Variants in SATB1 observed in about 807,000 individuals in gnomAD.
SATB1 encodes SATB homeobox 1, also known as DNA-binding protein SATB1.
In SATB1, 11 loss-of-function variants were observed where a neutral mutation model predicts 86.9. The ratio of observed to expected loss-of-function variants is 0.13; its 90% confidence interval spans 0.08 to 0.21. The LOEUF (loss-of-function observed/expected upper bound fraction) is 0.21, where lower values mean the gene tolerates loss of function less well. Among genes scored for constraint, SATB1 ranks in the 10% least tolerant of loss-of-function variants. The probability of loss-of-function intolerance (pLI) is 1.00; values close to 1 mark genes in which losing one functional copy is unlikely to be tolerated. For synonymous variants in SATB1, 357 were observed against 357.2 expected, an observed-to-expected ratio of 1.00 and a Z score of 0.01; for missense variants, 551 against 937.6, an observed-to-expected ratio of 0.59 and a Z score of 5.39.
chr3:18,387,679 T>G (rs1032748463), intron 7 of SATB1, among the ~76,000 whole-genome samples: 4 of 152,108 alleles, frequency 2.6e-5, no homozygotes, highest in African/African-American at 4.8e-5. Context: ...GTAAGACATA[T>G]TTGGTTTCTT....
At chr3:18,369,679 A>T (rs1316268042) in intron 9 of SATB1, among the ~76,000 whole-genome samples, 3 of 147,428 alleles carry the variant, frequency 2.0e-5, no homozygotes, top group Non-Finnish European at 4.5e-5. Flanking sequence ...TACAGGATAC[A>T]TCAGCTTCTG....
At chr3:18,442,107 A>G (rs1699257782), upstream of SATB1, among the ~76,000 whole-genome samples, 1 of 152,150 alleles carries the variant, frequency 6.6e-6, no homozygotes, top group Non-Finnish European at 1.5e-5. Context: ...TGAGGAATGC[A>G]TTGATTCTGG....
intron 1 of SATB1, among the ~76,000 whole-genome samples, chr3:18,423,315 C>T (rs1241047214): frequency 6.6e-6 from 1 of 152,190 alleles, no homozygotes; most frequent in Non-Finnish European, 1.5e-5. Flanking sequence ...CTGAATAAAA[C>T]AGTGAACTCA....
chr3:18,361,909 T>C (rs1694922703), intron 9 of SATB1, among the ~76,000 whole-genome samples: 1 of 152,224 alleles, frequency 6.6e-6, no homozygotes, highest in African/African-American at 2.4e-5. Flanking sequence ...ATAAAGGGCG[T>C]CAATCAGGAT....
At chr3:18,376,581 G>C (rs928016178) in intron 9 of SATB1, among the ~76,000 whole-genome samples, 8 of 144,010 alleles carry the variant, frequency 5.6e-5, no homozygotes, top group African/African-American at 1.9e-4. Flanking sequence ...CAAGTAGGTG[G>C]GGGGGGGGAG....
chr3:18,445,259 G>T (rs1305441621), intron 1 of SATB1: 6 of 982,474 alleles, frequency 6.1e-6, no homozygotes, highest in Non-Finnish European at 7.2e-6. Flanking sequence ...GACACTAGGC[G>T]CACTGAAGCC....
chr3:18,424,971 G>T lies in SATB1; in HGVS notation c.-1369C>A, dbSNP rs539831050. 6.4e-6 allele frequency: 1 copy of T among 155,276 alleles called. No individual in the cohort carries two copies. The highest frequency in any genetic ancestry group is 1.4e-5 in the Non-Finnish European group (1 of 70,068). 9.6% of individuals were successfully genotyped at this position (155,276 alleles called of 1,614,324 possible). A position where few individuals can be genotyped will look rare whatever the true frequency, so the allele number is the denominator to read the frequency against. On this transcript the variant is annotated 5_prime_UTR_variant, in exon 1 of 11. Coordinates refer to ENST00000338745, the MANE Select transcript of SATB1 (RefSeq NM_002971.6). ...TGCGTGAGTGTGAGCGCGAGTCCCCGGACGGGGCTGCTTCTCTCGCTCTCT... is the reference window on the plus strand; with the variant it reads ...TGCGTGAGTGTGAGCGCGAGTCCCCTGACGGGGCTGCTTCTCTCGCTCTCT...
intron 7 of SATB1, among the ~76,000 whole-genome samples, chr3:18,388,734 GT>G (rs927187340): frequency 2.6e-5 from 4 of 152,032 alleles, no homozygotes; most frequent in Non-Finnish European, 4.4e-5. Context: ...TTTTTGAGAT[GT>G]TTTTCCTAAT....
At chr3:18,417,819 G>A in intron 2 of SATB1, 11 of 561,454 alleles carry the variant, frequency 2.0e-5, no homozygotes, top group Non-Finnish European at 2.8e-5. Flanking sequence ...CAGTAAATAA[G>A]GTAAAAATGA....
Position 18,403,474 on chromosome 3 carries a change from G to T in SATB1, c.640-6184C>A, listed in dbSNP as rs76200917. The stretch of plus-strand genomic sequence containing the variant: ...TGGAATACTCTAGAGAGACAGCAAG[G>T]GAAATAATCTTGCACAGGTTTTATT... On this transcript the variant is annotated intron_variant, in intron 5 of 10. Coordinates refer to ENST00000338745, the MANE Select transcript of SATB1 (RefSeq NM_002971.6). Among the ~76,000 whole-genome samples, 356 of 152,140 alleles carry T rather than the reference G, an allele frequency of 2.3e-3. 14 individuals carry two copies. In the East Asian group the frequency reaches 0.036, roughly 15 times the overall value.
intron 9 of SATB1, among the ~76,000 whole-genome samples, chr3:18,358,677 G>A (rs1231207437): frequency 6.6e-6 from 1 of 151,946 alleles, no homozygotes; most frequent in African/African-American, 2.4e-5. Context: ...ATATGTGTGT[G>A]CATGTATGTA....
At position 18,444,830 on chromosome 3, in the gene SATB1, G is replaced by C. The variant is rs888491379; in HGVS notation, c.-25+688C>G. 7 of 199,884 alleles carry C rather than the reference G, an allele frequency of 3.5e-5. No homozygotes were observed. Among genetic ancestry groups the C allele is most frequent in the Non-Finnish European group, 6.2e-5 (7 of 113,224 alleles). The allele number at this position is 199,884 out of a possible 1,614,324, so 12.4% of individuals were successfully genotyped here. On this transcript the variant is annotated intron_variant, in intron 1 of 3. Transcript: ENST00000415069. This position sits in a 1 kb window ranked among gnomAD's most constrained non-coding sequence, Gnocchi z 5.1. Reference sequence around the variant, plus strand: ...GAAGTGGGCGTTTAAAGGGGAGAGCGAGGCGAGGAGCGAGCGAGCGAGCGC... The same window carrying C: ...GAAGTGGGCGTTTAAAGGGGAGAGCCAGGCGAGGAGCGAGCGAGCGAGCGC...
intron 5 of SATB1, chr3:18,408,743 A>G (rs1335309645): frequency 1.3e-5 from 2 of 151,738 alleles, no homozygotes; most frequent in Admixed American, 1.3e-4. Context: ...CATGAAATGA[A>G]GCAGATCTAT....
rs1694089698 is a variant in SATB1, at chr3:18,346,982, G to A, written c.*2188C>T. ...TTTGTTTTCTTACTAAATAAAAAGT[G>A]GCAACTTTTCAGTACAATTTTAAGT... On this transcript the variant is annotated 3_prime_UTR_variant, in exon 11 of 11. Transcript: ENST00000338745. 1.3e-5 allele frequency: 2 copies of A among 152,070 alleles called. No homozygotes were observed. The highest frequency in any genetic ancestry group is 4.1e-4 in the South Asian group (2 of 4,830). The allele number at this position is 152,070 out of a possible 1,614,324, so 9.4% of individuals were successfully genotyped here. A position where few individuals can be genotyped will look rare whatever the true frequency, so the allele number is the denominator to read the frequency against.
chr3:18,354,481 T>C (rs753463369), intron 9 of SATB1, among the ~76,000 whole-genome samples: 12 of 152,020 alleles, frequency 7.9e-5, no homozygotes, highest in Non-Finnish European at 1.6e-4. Flanking sequence ...ACACAGAAGA[T>C]TTTTTTTAAA....
chr3:18,384,195 A>C (rs1696203855), intron 8 of SATB1, among the ~76,000 whole-genome samples: 1 of 152,204 alleles, frequency 6.6e-6, no homozygotes, highest in African/African-American at 2.4e-5. Context: ...TCAGGCAAAA[A>C]TAAATTAAAC....
Position 18,356,419 on chromosome 3 carries a change from G to GAAA in SATB1, c.1576-4227_1576-4225dup, listed in dbSNP as rs34464594. Reference sequence around the variant, plus strand: ...GGATCTATTAAAGAAATGTAAGATTGAAAAAAAAAAAAAAAGGAAAAGAGA... The same window carrying GAAA: ...GGATCTATTAAAGAAATGTAAGATTGAAAAAAAAAAAAAAAAAAGGAAAAGAGA... On this transcript the variant is annotated intron_variant, in intron 9 of 10. Coordinates refer to ENST00000338745, the MANE Select transcript of SATB1 (RefSeq NM_002971.6). Among the ~76,000 whole-genome samples, 116 of 122,168 alleles carry GAAA rather than the reference G, an allele frequency of 9.5e-4. 1 individual carries two copies. The highest frequency in any genetic ancestry group is 4.6e-3 in the Middle Eastern group (1 of 218). 80.1% of individuals were successfully genotyped at this position (122,168 alleles called of 152,430 possible).
chr3:18,431,397 G>C (rs562241550), intron 2 of SATB1, among the ~76,000 whole-genome samples: 1 of 152,202 alleles, frequency 6.6e-6, no homozygotes, highest in African/African-American at 2.4e-5. Context: ...CTATATGTCT[G>C]CCTCTCCAAA....
intron 9 of SATB1, among the ~76,000 whole-genome samples, chr3:18,376,948 T>C (rs1695787820): frequency 6.6e-6 from 1 of 152,220 alleles, no homozygotes; most frequent in East Asian, 1.9e-4. Context: ...TAGGCAGGCA[T>C]GTGGCCTATA....
Sources: gnomAD v4.1 joint callset for allele counts (sites outside exome capture counted in the v4.1 genomes callset) on GRCh38, gnomAD v4.1.1 for gene constraint, Gnocchi (gnomAD v3.1) non-coding constraint, MANE v1.5 for transcripts, NCBI Gene and HGNC (gene_info 2026-07-23, HGNC 2026-07-21) for gene names.